Variants in HNRNPA1 observed in about 807,000 individuals in gnomAD.
HNRNPA1 encodes the protein epididymis secretory sperm binding protein.
In HNRNPA1, 7 loss-of-function variants were observed where a neutral mutation model predicts 44.4. The ratio of observed to expected loss-of-function variants is 0.16; its 90% CI spans 0.09 to 0.30. The LOEUF (loss-of-function observed/expected upper bound fraction) is 0.30, where lower values mean the gene tolerates loss of function less well. Ranked by LOEUF, HNRNPA1 falls within the 10% of genes least tolerant of loss-of-function variation. HNRNPA1 has a pLI of 1.00. For synonymous variants in HNRNPA1, 169 were observed against 160.6 expected (o/e 1.05, Z -0.40); for missense variants, 193 against 465.8 (o/e 0.41, Z 5.39).
chr12:54,282,311 G>A lies in HNRNPA1; in HGVS notation c.490+11G>A. On this transcript the variant is annotated intron_variant, in intron 4 of 10. Transcript: ENST00000340913. ...TGGATAAGATTGTCAGTAAGTATCA[G>A]ATAGTGGCATTTAGTAAGGGTTCCA... The A allele has an allele frequency of 1.9e-6, 3 of 1,613,564 alleles. No homozygotes were observed. The highest frequency in any genetic ancestry group is 2.5e-6 in the Non-Finnish European group (3 of 1,179,616).
Position 54,283,225 on chromosome 12 carries a change from G to C in HNRNPA1, c.898G>C (p.Gly300Arg). The C allele has an allele frequency of 6.2e-7, 1 of 1,611,144 alleles. No homozygotes were observed. The highest frequency in any genetic ancestry group is 1.1e-5 in the South Asian group (1 of 90,580). Residue 300 changes from glycine to arginine, a missense_variant, in exon 8 of 11, where the codon GGT (glycine) becomes CGT (arginine). Transcript: ENST00000340913. ...YNNGGGGGFGGGSGSNFGGGG... is the reference protein window; with the variant it reads ...YNNGGGGGFGRGSGSNFGGGG... The stretch of plus-strand genomic sequence containing the variant: ...CAACGGAGGCGGAGGCGGCTTTGGC[G>C]GTGGTAGTGGTAGGTATCCAGTGAT...
chr12:54,284,217 T>C (rs1310357958), intron 9 of HNRNPA1, 41 bp from the exon 10 acceptor site: 1 of 1,594,284 alleles, frequency 6.3e-7, no homozygotes, highest in Non-Finnish European at 8.6e-7. Context: ...AACATTACTG[T>C]TGGCACTTTG....
intron 7 of HNRNPA1, 64 bp downstream of exon 7, chr12:54,282,938 T>C: frequency 6.7e-7 from 1 of 1,492,902 alleles, no homozygotes; most frequent in Non-Finnish European, 9.1e-7. Flanking sequence ...AATAGGTTAG[T>C]AGAGACTAAA....
At chr12:54,284,485 T>A (rs936308845) in intron 10 of HNRNPA1, 64 bp from the exon 11 acceptor site, 2 of 741,350 alleles carry the variant, frequency 2.7e-6, no homozygotes, top group Non-Finnish European at 4.8e-6. Context: ...AAACTTGATA[T>A]TGGATTGTAG....
intron 1 of HNRNPA1, chr12:54,281,124 C>A: frequency 1.4e-6 from 1 of 699,986 alleles, no homozygotes. Flanking sequence ...AGCGATTAGT[C>A]CCATTGTGGA....
intron 8 of HNRNPA1, 104 bp downstream of exon 8, chr12:54,283,338 A>G (rs1011779985): frequency 9.2e-6 from 12 of 1,311,374 alleles, no homozygotes; most frequent in Non-Finnish European, 1.3e-5. Flanking sequence ...TGCATGGTAT[A>G]TTAAAAACAA....
At position 54,284,809 on chromosome 12, in the gene HNRNPA1, T is replaced by C. The variant is rs1357553196; in HGVS notation, c.*265T>C. ...AAAGGGTTTTAATGTAGATTTTTTT[T>C]TTTGCACCCCATGCTGTTGATTGCT... On this transcript the variant is annotated 3_prime_UTR_variant, in exon 11 of 11. Coordinates refer to ENST00000340913, the MANE Select transcript of HNRNPA1 (RefSeq NM_031157.4). 5 of 345,328 alleles carry C rather than the reference T, an allele frequency of 1.4e-5. No homozygotes were observed. The highest frequency in any genetic ancestry group is 8.6e-5 in the African/African-American group (4 of 46,634). The allele number at this position is 345,328 out of a possible 1,614,324, so 21.4% of individuals were successfully genotyped here. A position where few individuals can be genotyped will look rare whatever the true frequency, so the allele number is the denominator to read the frequency against.
At chr12:54,281,204 G>C in intron 1 of HNRNPA1, 182 bp from the exon 2 acceptor site, 2 of 701,418 alleles carry the variant, frequency 2.9e-6, no homozygotes, top group Non-Finnish European at 5.2e-6. Flanking sequence ...ATGCGCTTGC[G>C]ATTTCCTAGC....
In HNRNPA1 at chr12:54,283,961, A is replaced by G. The variant is rs483353039; in HGVS notation, c.1057A>G (p.Asn353Asp). The G allele has an allele frequency of 1.2e-6, 2 of 1,605,782 alleles. No homozygotes were observed. The highest frequency in any genetic ancestry group is 1.7e-6 in the Non-Finnish European group (2 of 1,179,966). The change falls in exon 9 of 11, where the codon AAC (asparagine) becomes GAC (aspartate). Residue 353 changes from asparagine to aspartate, a missense_variant. Around this residue, in one of 2 missense-constraint regions of HNRNPA1, gnomAD observed 136 missense variants for 234.4 expected, o/e 0.58. Coordinates refer to ENST00000340913, the MANE Select transcript of HNRNPA1 (RefSeq NM_031157.4). ...GGGQYFAKPR[N>D]QGGYGGSSSS... ...AGGCCAATACTTTGCAAAACCACGAAACCAAGGTATGGTATCTATGTAATT... is the reference window on the plus strand; with the variant it reads ...AGGCCAATACTTTGCAAAACCACGAGACCAAGGTATGGTATCTATGTAATT...
Position 54,282,488 on chromosome 12 carries a change from T to TA in HNRNPA1, c.583+3dup. ...CTAGTGCTTCATCCAGCCAAAGAGG[T>TA]ATGCTTGTTGCTTAATTAAACCTTA... is the stretch of plus-strand genomic sequence containing the variant. On this transcript the variant is annotated splice_region_variant and intron_variant, in intron 5 of 10. Coordinates refer to ENST00000340913, the MANE Select transcript of HNRNPA1 (RefSeq NM_031157.4). 1 of 1,612,666 alleles carries TA rather than the reference T, an allele frequency of 6.2e-7. No individual in the cohort carries two copies. Among genetic ancestry groups the TA allele is most frequent in the East Asian group, 2.2e-5 (1 of 44,882 alleles).
At chr12:54,281,625 G>T (rs1413699000) in intron 2 of HNRNPA1, 123 bp downstream of exon 2, 1 of 1,012,034 alleles carries the variant, frequency 9.9e-7, no homozygotes, top group Non-Finnish European at 1.5e-6. Flanking sequence ...GTTGGCAAAG[G>T]AACGTCCTGC....
At position 54,282,384 on chromosome 12, in the gene HNRNPA1, T is replaced by G; in HGVS notation, c.491-10T>G. The G allele has an allele frequency of 1.9e-6, 3 of 1,613,458 alleles. No homozygotes were observed. Among genetic ancestry groups the G allele is most frequent in the Non-Finnish European group, 1.7e-6 (2 of 1,179,500 alleles). Reference sequence around the variant, plus strand: ...CCTGATACCATGTTGTATCTATGTTTTTTTTTTAGTTCAGAAATACCATAC... The same window carrying G: ...CCTGATACCATGTTGTATCTATGTTGTTTTTTTAGTTCAGAAATACCATAC... On this transcript the variant is annotated splice_polypyrimidine_tract_variant and intron_variant, in intron 4 of 10. Coordinates refer to ENST00000340913, the MANE Select transcript of HNRNPA1 (RefSeq NM_031157.4).
chr12:54,284,091 G>A, intron 9 of HNRNPA1, 124 bp downstream of exon 9: 1 of 1,331,902 alleles, frequency 7.5e-7, no homozygotes, highest in South Asian at 1.4e-5. Context: ...TTCAGAAAGT[G>A]ATAATTTGAT....
rs1278457299 is a variant in HNRNPA1 at position 54,285,441 on chromosome 12, C to T, written c.*897C>T. ...TGTCTGGGAGGCCTTTTAAAAATAACTAATATCAGAAAGCATTTTAATGAA... is the reference window on the plus strand; with the variant it reads ...TGTCTGGGAGGCCTTTTAAAAATAATTAATATCAGAAAGCATTTTAATGAA... On this transcript the variant is annotated 3_prime_UTR_variant, in exon 11 of 11. Coordinates refer to ENST00000340913, the MANE Select transcript of HNRNPA1 (RefSeq NM_031157.4). The T allele has an allele frequency of 2.0e-5, 3 of 152,120 alleles. No homozygotes were observed. Among genetic ancestry groups the T allele is most frequent in the Non-Finnish European group, 4.4e-5 (3 of 68,030 alleles). 9.4% of individuals were successfully genotyped at this position (152,120 alleles called of 1,614,324 possible).
chr12:54,284,157 T>A, intron 9 of HNRNPA1, 101 bp from the exon 10 acceptor site: 1 of 1,380,040 alleles, frequency 7.2e-7, no homozygotes, highest in Non-Finnish European at 1.0e-6. Flanking sequence ...GTAGGGCCAT[T>A]TTTAAATGGC....
In HNRNPA1 at chr12:54,282,807, T is replaced by C; in HGVS notation, c.684T>C (p.Phe228=). 1 of 1,552,424 alleles carries C rather than the reference T, an allele frequency of 6.4e-7. No homozygotes were observed. Among genetic ancestry groups the C allele is most frequent in the South Asian group, 1.2e-5 (1 of 84,154 alleles). Reference sequence around the variant, plus strand: ...TGAAACTTTTTCTTACAGGTGGCTTTGGTGGCAGCCGTGGTGGTGGTGGAT... The same window carrying C: ...TGAAACTTTTTCTTACAGGTGGCTTCGGTGGCAGCCGTGGTGGTGGTGGAT... ...RGGNFSGRGG[F]GGSRGGGGYG... Residue 228 remains phenylalanine, a synonymous_variant, in exon 7 of 11, where the codon TTT becomes TTC. Coordinates refer to ENST00000340913, the MANE Select transcript of HNRNPA1 (RefSeq NM_031157.4).
chr12:54,283,785 G>C, intron 8 of HNRNPA1, 27 bp from the exon 9 acceptor site: 1 of 1,610,748 alleles, frequency 6.2e-7, no homozygotes, highest in Non-Finnish European at 8.5e-7. Flanking sequence ...TCAGGTAACA[G>C]ATAAAGGCCC....
rs1486571333 is a variant in HNRNPA1 at position 54,281,953 on chromosome 12, T to C, written c.279+12T>C. ...CTGTCTCCAGAGAAGTGAGTGGGTT[T>C]TTTTTCTTCTTCTTCTTAAACTTAC... On this transcript the variant is annotated intron_variant, in intron 3 of 10. Coordinates refer to ENST00000340913, the MANE Select transcript of HNRNPA1 (RefSeq NM_031157.4). 2.5e-6 allele frequency: 4 copies of C among 1,612,366 alleles called. No homozygotes were observed. In the Admixed American group the frequency reaches 6.7e-5, roughly 27 times the overall value.
At chr12:54,282,019 C>G in intron 3 of HNRNPA1, 71 bp from the exon 4 acceptor site, 1 of 1,599,428 alleles carries the variant, frequency 6.3e-7, no homozygotes, top group South Asian at 1.1e-5. Context: ...CGGGAGTTTT[C>G]TAAACTTACC....
Sources: gnomAD v4.1 joint callset for allele counts on GRCh38, gnomAD v4.1.1 for gene constraint, gnomAD v4.1.1 regional missense constraint, MANE v1.5 for transcripts, NCBI Gene and HGNC (gene_info 2026-07-23, HGNC 2026-07-21) for gene names.